The following INPP5A variants were observed in gnomAD, a reference collection of about 807,000 sequenced individuals.
INPP5A encodes inositol polyphosphate-5-phosphatase A, also known as 43 kDa inositol polyphosphate 5-phophatase.
Under a neutral mutation model 65.2 loss-of-function variants are expected in INPP5A, and 14 were observed. The ratio of observed to expected loss-of-function variants is 0.21; its 90% confidence interval spans 0.14 to 0.34. INPP5A has a LOEUF of 0.34. INPP5A is among the 10% of genes least tolerant of loss of function. The pLI is 1.00. For synonymous variants in INPP5A, 207 were observed against 208.3 expected (o/e 0.99, Z 0.05); for missense variants, 431 against 545.6 (o/e 0.79, Z 2.09).
At chr10:132,541,865 A>C (rs1185303646) in intron 1 of INPP5A, among the ~76,000 whole-genome samples, 3 of 152,206 alleles carry the variant, frequency 2.0e-5, no homozygotes, top group African/African-American at 7.2e-5. Flanking sequence ...GGACTTTCCC[A>C]GGCTTATGCA....
intron 8 of INPP5A, among the ~76,000 whole-genome samples, chr10:132,726,179 C>T (rs1380855016): frequency 6.6e-6 from 1 of 152,210 alleles, no homozygotes; most frequent in Non-Finnish European, 1.5e-5. Context: ...TTCTTGAGTA[C>T]AGCTGTACCT....
intron 9 of INPP5A, among the ~76,000 whole-genome samples, chr10:132,734,712 C>T (rs1406145573): frequency 2.0e-5 from 3 of 152,234 alleles, no homozygotes; most frequent in African/African-American, 7.2e-5. Flanking sequence ...GTTTGCCTGG[C>T]GGCTGCCTCC....
At chr10:132,764,385 A>G (rs1327484306) in intron 11 of INPP5A, among the ~76,000 whole-genome samples, 170 of 130,646 alleles carry the variant, frequency 1.3e-3, no homozygotes, top group Middle Eastern at 5.0e-3. Flanking sequence ...TGCAGGGTTG[A>G]GAGGGTGTGT....
intron 2 of INPP5A, among the ~76,000 whole-genome samples, chr10:132,623,364 G>A (rs2072132418): frequency 6.6e-6 from 1 of 151,828 alleles, no homozygotes; most frequent in Non-Finnish European, 1.5e-5. Context: ...GATTGACCAG[G>A]GGGTAAAGGC....
chr10:132,563,862 CAG>C (rs572530674), intron 1 of INPP5A, among the ~76,000 whole-genome samples: 137 of 152,312 alleles, frequency 9.0e-4, no homozygotes, highest in African/African-American at 3.1e-3. Context: ...GGCCGGTTGC[CAG>C]GGAGGCGTAT....
rs796337607 is a variant in INPP5A at position 132,659,002 on chromosome 10, G to T, written c.306+8497G>T. Among the ~76,000 whole-genome samples the T allele has an allele frequency of 1.3e-5, 2 of 152,290 alleles. No homozygotes were observed. Among genetic ancestry groups the T allele is most frequent in the East Asian group, 3.9e-4 (2 of 5,180 alleles). On this transcript the variant is annotated intron_variant, in intron 4 of 15. Transcript: ENST00000368594. The surrounding 1 kb of genome is among the most constrained non-coding windows in gnomAD (Gnocchi z 5.5). ...GGGAAGCTCCTTCTGCCATCACCTG[G>T]AGTCAGCTGCCGTCCACAGTGGAAG...
chr10:132,610,841 G>T (rs761930469), intron 2 of INPP5A, among the ~76,000 whole-genome samples: 42 of 152,258 alleles, frequency 2.8e-4, no homozygotes, highest in Non-Finnish European at 5.6e-4. Context: ...TTATGGTTGG[G>T]TTTGGGATGA....
In INPP5A at chr10:132,715,019, G is replaced by A. The variant is rs527284390; in HGVS notation, c.647+4563G>A. 9.2e-5 allele frequency among the ~76,000 whole-genome samples: 14 copies of A among 152,352 alleles called. No individual in the cohort carries two copies. In the South Asian group the frequency reaches 2.3e-3, roughly 25 times the overall value. On this transcript the variant is annotated intron_variant, in intron 8 of 15. Coordinates refer to ENST00000368594, the MANE Select transcript of INPP5A (RefSeq NM_005539.5). The stretch of plus-strand genomic sequence containing the variant: ...CCTGGACCCTGGGTGAGGCCGGGCC[G>A]TGCACACCCTTGTGTGGCTCTTGGA...
intron 4 of INPP5A, among the ~76,000 whole-genome samples, chr10:132,664,200 C>G (rs938196637): frequency 5.3e-5 from 8 of 152,238 alleles, no homozygotes; most frequent in Non-Finnish European, 8.8e-5. Flanking sequence ...CTCTGCCTGG[C>G]TTTCTTTCCT....
chr10:132,768,370 G>A (rs1054555652), intron 12 of INPP5A, among the ~76,000 whole-genome samples: 9 of 145,514 alleles, frequency 6.2e-5, no homozygotes, highest in Non-Finnish European at 1.2e-4. Context: ...AGCGTTCCCA[G>A]GTGCTCACGC....
intron 9 of INPP5A, among the ~76,000 whole-genome samples, chr10:132,736,087 G>A (rs1398490353): frequency 6.6e-6 from 1 of 152,238 alleles, no homozygotes; most frequent in South Asian, 2.1e-4. Flanking sequence ...CTGGCACCAC[G>A]GAAGCTGTAA....
chr10:132,647,679 A>G (rs899224066), intron 3 of INPP5A, among the ~76,000 whole-genome samples: 1 of 151,996 alleles, frequency 6.6e-6, no homozygotes, highest in Non-Finnish European at 1.5e-5. Context: ...TCGAGGCCCC[A>G]CCCAGACCCT....
chr10:132,665,876 GA>G (rs1418414243), intron 4 of INPP5A, among the ~76,000 whole-genome samples: 1 of 152,086 alleles, frequency 6.6e-6, no homozygotes, highest in Non-Finnish European at 1.5e-5. Context: ...CCAACATGGG[GA>G]AACCCCATCT....
rs781538125 is a variant in INPP5A at position 132,644,164 on chromosome 10, A to G, written c.118-1704A>G. 1.3e-5 allele frequency among the ~76,000 whole-genome samples: 2 copies of G among 152,146 alleles called. No homozygotes were observed. Among genetic ancestry groups the G allele is most frequent in the African/African-American group, 2.4e-5 (1 of 41,434 alleles). ...TGGGCCGTCTGTTAGGGAGAAGTGCACTGCCTGGGCCTGAAGGCAGTGGGC... is the reference window on the plus strand; with the variant it reads ...TGGGCCGTCTGTTAGGGAGAAGTGCGCTGCCTGGGCCTGAAGGCAGTGGGC... On this transcript the variant is annotated intron_variant, in intron 2 of 15. Coordinates refer to ENST00000368594, the MANE Select transcript of INPP5A (RefSeq NM_005539.5). The surrounding 1 kb of genome is among the most constrained non-coding windows in gnomAD (Gnocchi z 6.5).
intron 1 of INPP5A, among the ~76,000 whole-genome samples, chr10:132,564,371 C>T (rs2071246557): frequency 6.6e-6 from 1 of 152,186 alleles, no homozygotes; most frequent in East Asian, 1.9e-4. Flanking sequence ...GGGTTGTGAG[C>T]ACGTCTCTGG....
intron 6 of INPP5A, among the ~76,000 whole-genome samples, chr10:132,703,795 C>T (rs1442761530): frequency 3.3e-5 from 3 of 91,428 alleles, no homozygotes; most frequent in African/African-American, 9.4e-5. Flanking sequence ...CACCCCCACA[C>T]ACACGCTTGG....
rs1565009077 is a variant in INPP5A at position 132,767,258 on chromosome 10, G to GGACACAGGCTT, written c.977+1412_977+1413insGACACAGGCTT. 1.2e-3 allele frequency among the ~76,000 whole-genome samples: 31 copies of GGACACAGGCTT among 25,830 alleles called. 1 individual carries two copies. Among genetic ancestry groups the GGACACAGGCTT allele is most frequent in the Middle Eastern group, 0.043 (2 of 46 alleles). 16.9% of individuals were successfully genotyped at this position (25,830 alleles called of 152,430 possible). On this transcript the variant is annotated intron_variant, in intron 12 of 15. Coordinates refer to ENST00000368594, the MANE Select transcript of INPP5A (RefSeq NM_005539.5). ...GAGGATGCGGCCTCAGGGAGCTTGG[G>GGACACAGGCTT]TGGGAGCCGGAGGATGCGGCTTCAG...
rs758724246 is a variant in INPP5A, at chr10:132,749,755, C to T, written c.829-16C>T. 3.7e-6 allele frequency: 6 copies of T among 1,612,080 alleles called. No homozygotes were observed. The highest frequency in any genetic ancestry group is 4.5e-5 in the East Asian group (2 of 44,892). ...TGGGGGAGCTCAGGTGCTCATGGGCCACTCTGACTTCACAGGTTATGCTCC... is the reference window on the plus strand; with the variant it reads ...TGGGGGAGCTCAGGTGCTCATGGGCTACTCTGACTTCACAGGTTATGCTCC... On this transcript the variant is annotated splice_polypyrimidine_tract_variant and intron_variant, in intron 10 of 15. Transcript: ENST00000368594.
intron 12 of INPP5A, among the ~76,000 whole-genome samples, chr10:132,776,787 T>G (rs1847071113): frequency 1.3e-5 from 2 of 151,282 alleles, no homozygotes; most frequent in African/African-American, 2.4e-5. Flanking sequence ...GGCCCGGAAG[T>G]GGGGGCTGTG....
Sources: allele counts gnomAD v4.1 joint callset (sites outside exome capture counted in the v4.1 genomes callset), GRCh38; gene constraint gnomAD v4.1.1; non-coding constraint Gnocchi (gnomAD v3.1); transcripts MANE v1.5; gene names NCBI Gene and HGNC (gene_info 2026-07-23, HGNC 2026-07-21).